Variants in NUP214 observed in about 807,000 individuals in gnomAD.
The protein encoded by NUP214 is nucleoporin 214.
NUP214 carries 79 observed loss-of-function variants against 196.2 expected under a neutral mutation model. The ratio of observed to expected loss-of-function variants is 0.40; its 90% CI spans 0.34 to 0.49. The LOEUF is 0.49. Among genes scored for constraint, NUP214 ranks in the 20% least tolerant of loss-of-function variants. The pLI is 0.58. For synonymous variants in NUP214, 1,020 were observed against 990.5 expected (o/e 1.03, Z -0.56); for missense variants, 2,468 against 2,539.0 (o/e 0.97, Z 0.60).
chr9:131,223,327 C>T (rs1467502853), intron 32 of NUP214, among the ~76,000 whole-genome samples: 1 of 152,030 alleles, frequency 6.6e-6, no homozygotes, highest in East Asian at 1.9e-4. Flanking sequence ...CCACCATGCC[C>T]AGCTAATTTT....
intron 21 of NUP214, among the ~76,000 whole-genome samples, chr9:131,167,776 G>A (rs972936375): frequency 2.0e-5 from 3 of 152,128 alleles, no homozygotes; most frequent in Non-Finnish European, 4.4e-5. Context: ...TTATTGATTT[G>A]TACATGTTTT....
chr9:131,177,855 G>C (rs1564196572), intron 23 of NUP214, among the ~76,000 whole-genome samples: 1 of 152,186 alleles, frequency 6.6e-6, no homozygotes, highest in East Asian at 1.9e-4. Flanking sequence ...AGTTTCTTTA[G>C]AGAAGAAACT....
chr9:131,144,919 T>C (rs1306289459), intron 12 of NUP214, among the ~76,000 whole-genome samples, 165 bp downstream of exon 12: 1 of 152,198 alleles, frequency 6.6e-6, no homozygotes, highest in Non-Finnish European at 1.5e-5. Context: ...ATACTGGCAT[T>C]TCATCAGTGA....
At position 131,197,966 on chromosome 9, in the gene NUP214, G is replaced by A. The variant is rs1486033702; in HGVS notation, c.4472G>A (p.Arg1491Lys). Residue 1491 changes from arginine to lysine, a missense_variant, in exon 29 of 36, where the codon AGA becomes AAA. This residue lies in a region of NUP214 where 1,801 missense variants were observed against 1,779.4 expected (regional missense o/e 1.01). Transcript: ENST00000359428. The stretch of plus-strand genomic sequence containing the variant: ...CCCTCCCTGCCTATGTCCGCTGGCA[G>A]AAGCACAGAAGAGGCCACTTCATCA... ...TTPSLPMSAG[R>K]STEEATSSAL... The A allele has an allele frequency of 1.2e-6, 2 of 1,614,204 alleles. No individual in the cohort carries two copies. Among genetic ancestry groups the A allele is most frequent in the Admixed American group, 3.3e-5 (2 of 60,034 alleles).
chr9:131,158,354 C>T (rs946459990), intron 17 of NUP214, among the ~76,000 whole-genome samples: 2 of 152,236 alleles, frequency 1.3e-5, no homozygotes, highest in Non-Finnish European at 2.9e-5. Flanking sequence ...GCTGAGATTA[C>T]AGGTGTGAGC....
intron 21 of NUP214, among the ~76,000 whole-genome samples, chr9:131,166,539 T>C (rs896857120): frequency 6.6e-6 from 1 of 152,240 alleles, no homozygotes; most frequent in African/African-American, 2.4e-5. Context: ...TTAGTGGGCA[T>C]GCTGGGAAGA....
In NUP214 at chr9:131,178,360, A is replaced by G; in HGVS notation, c.3369A>G (p.Val1123=). Residue 1123 remains valine (V), a synonymous_variant, in exon 24 of 36, where the codon GTA becomes GTG. Transcript: ENST00000359428. ...ESTLKNVPQV[V]NVQELKNNPA... is the part of the protein sequence containing the mutation. ...CGTTGAAGAATGTCCCTCAAGTGGTAAATGTGCAGGAATTGAAGAATAACC... is the reference window on the plus strand; with the variant it reads ...CGTTGAAGAATGTCCCTCAAGTGGTGAATGTGCAGGAATTGAAGAATAACC... 1 of 1,614,106 alleles carries G rather than the reference A, an allele frequency of 6.2e-7. No individual in the cohort carries two copies. Among genetic ancestry groups the G allele is most frequent in the Non-Finnish European group, 8.5e-7 (1 of 1,179,944 alleles).
At chr9:131,224,374 G>A (rs1003698262) in intron 32 of NUP214, among the ~76,000 whole-genome samples, 1 of 152,196 alleles carries the variant, frequency 6.6e-6, no homozygotes, top group Non-Finnish European at 1.5e-5. Context: ...TTGATGGAAA[G>A]TTGTGTGAAA....
chr9:131,141,099 A>G (rs1180127993), intron 11 of NUP214, among the ~76,000 whole-genome samples: 2 of 151,494 alleles, frequency 1.3e-5, no homozygotes, highest in Non-Finnish European at 2.9e-5. Flanking sequence ...TATAAATGTT[A>G]TATTTATTGA....
At position 131,140,704 on chromosome 9, in the gene NUP214, T is replaced by C; in HGVS notation, c.1288T>C (p.Ser430Pro). The change falls in exon 11 of 36, where the codon TCA becomes CCA. Residue 430 changes from serine (S) to proline (P), a missense_variant. By Grantham distance (74) the Ser-to-Pro change is moderately conservative. This residue lies in a region of NUP214 where 1,801 missense variants were observed against 1,779.4 expected (regional missense o/e 1.01). Coordinates refer to ENST00000359428, the MANE Select transcript of NUP214 (RefSeq NM_005085.4). ...LSLEGERQPK[S>P]PGSTPTTPTS... ...ATTAGAAGGAGAGCGACAGCCCAAG[T>C]CACCAGGTATGTGCCTCTGCCTGCT... The C allele has an allele frequency of 6.2e-7, 1 of 1,613,160 alleles. No homozygotes were observed. The highest frequency in any genetic ancestry group is 8.5e-7 in the Non-Finnish European group (1 of 1,179,636).
chr9:131,233,373 G>T, intron 35 of NUP214, 81 bp from the exon 36 acceptor site: 1 of 1,414,514 alleles, frequency 7.1e-7, no homozygotes, highest in Non-Finnish European at 9.6e-7. Context: ...CCTGACCTTT[G>T]CACACAGGCA....
At chr9:131,219,010 C>T (rs1834482368) in intron 31 of NUP214, among the ~76,000 whole-genome samples, 1 of 152,070 alleles carries the variant, frequency 6.6e-6, no homozygotes, top group Non-Finnish European at 1.5e-5. Context: ...GCCTGAGGGT[C>T]ATTCAGGCCC....
chr9:131,234,658 CATTA>C (rs1834964015), exon 36 of NUP214: 2 of 213,676 alleles, frequency 9.4e-6, no homozygotes, highest in South Asian at 1.9e-4. Context: ...TTTGACATGA[CATTA>C]ATTCATCATG....
intron 18 of NUP214, 104 bp downstream of exon 18, chr9:131,159,590 G>A (rs1363781937): frequency 1.1e-6 from 1 of 940,868 alleles, no homozygotes; most frequent in Non-Finnish European, 1.6e-6. Context: ...GGGTGCGGTG[G>A]CTCACGCCTG....
At chr9:131,195,031 C>A (rs1403857098) in intron 27 of NUP214, among the ~76,000 whole-genome samples, 1 of 152,244 alleles carries the variant, frequency 6.6e-6, no homozygotes, top group Non-Finnish European at 1.5e-5. Context: ...TCGTATCTCA[C>A]ACACAAACTG....
In NUP214 at chr9:131,140,713, A is replaced by G. The variant is rs1212266662; in HGVS notation, c.1294+3A>G. ...AGAGCGACAGCCCAAGTCACCAGGT[A>G]TGTGCCTCTGCCTGCTTTATCAGTA... On this transcript the variant is annotated splice_donor_region_variant and intron_variant, in intron 11 of 35. Transcript: ENST00000359428. The G allele has an allele frequency of 1.4e-5, 23 of 1,611,862 alleles. No homozygotes were observed. The highest frequency in any genetic ancestry group is 1.9e-5 in the Non-Finnish European group (22 of 1,179,272).
chr9:131,204,851 A>G (rs577752611), intron 30 of NUP214, among the ~76,000 whole-genome samples: 23 of 152,338 alleles, frequency 1.5e-4, no homozygotes, highest in Non-Finnish European at 3.4e-4. Flanking sequence ...TGTCCTAGTG[A>G]TACTGAAGAA....
chr9:131,230,366 T>C, intron 33 of NUP214: 1 of 469,668 alleles, frequency 2.1e-6, no homozygotes. Flanking sequence ...AATGCCCTGG[T>C]GTTCCAATGG....
Position 131,174,155 on chromosome 9 carries a change from T to G in NUP214, c.2994T>G (p.Asp998Glu). 6.2e-7 allele frequency: 1 copy of G among 1,613,950 alleles called. No homozygotes were observed. The highest frequency in any genetic ancestry group is 1.1e-5 in the South Asian group (1 of 91,078). Residue 998 changes from aspartate (D) to glutamate (E), a missense_variant, in exon 22 of 36, where the codon GAT becomes GAG. Asp to Glu is a conservative substitution (Grantham distance 45). Around this residue, in one of 5 missense-constraint regions of NUP214, gnomAD observed 1,801 missense variants for 1,779.4 expected, o/e 1.01. Transcript: ENST00000359428. ...SSVSQSLESE[D>E]ARTSCKDDEA... ...TCTCCCAGTCTCTGGAGAGTGAAGA[T>G]GCACGGACGTCCTGTAAAGATGACG...
Sources: allele counts gnomAD v4.1 joint callset (sites outside exome capture counted in the v4.1 genomes callset), GRCh38; gene constraint gnomAD v4.1.1; regional missense constraint gnomAD v4.1.1; transcripts MANE v1.5; gene names NCBI Gene and HGNC (gene_info 2026-07-23, HGNC 2026-07-21).